The following TRPM2 variants were observed in gnomAD, a reference collection of about 807,000 sequenced individuals.
The protein encoded by TRPM2 is transient receptor potential cation channel subfamily M member 2.
A neutral mutation model predicts 174.0 loss-of-function variants in TRPM2; 161 were observed. The observed-to-expected ratio is 0.93, with a 90% CI of 0.81 to 1.05. TRPM2 has a LOEUF of 1.05. Among genes scored for constraint, TRPM2 ranks in the 50% least tolerant of loss-of-function variants. The pLI, the probability that TRPM2 is intolerant of heterozygous loss-of-function variation, is 0.00. For synonymous variants in TRPM2, 954 were observed against 861.3 expected (o/e 1.11, Z -1.88); for missense variants, 2,057 against 2,038.0 (o/e 1.01, Z -0.18).
chr21:44,393,247 A>G (rs923834551), intron 11 of TRPM2, among the ~76,000 whole-genome samples: 1 of 151,846 alleles, frequency 6.6e-6, no homozygotes, highest in Non-Finnish European at 1.5e-5. Flanking sequence ...TCTTGGGAGT[A>G]TTTATCTCTG....
chr21:44,382,047 A>G (rs186113998), intron 8 of TRPM2, among the ~76,000 whole-genome samples: 101 of 152,136 alleles, frequency 6.6e-4, no homozygotes, highest in Non-Finnish European at 1.2e-3. Context: ...AAGTGGATGG[A>G]TGAATGGTTG....
intron 24 of TRPM2, 39 bp from the exon 25 acceptor site, chr21:44,425,631 G>C: frequency 6.9e-7 from 1 of 1,448,366 alleles, no homozygotes. Flanking sequence ...ACCTGAGCCC[G>C]GGCTCCGCCT....
chr21:44,433,241 C>T (rs1457015071), intron 27 of TRPM2, among the ~76,000 whole-genome samples: 1 of 152,260 alleles, frequency 6.6e-6, no homozygotes, highest in Admixed American at 6.5e-5. Flanking sequence ...AGTGAGATGA[C>T]AGCAGGGCCC....
At chr21:44,424,099 C>G (rs2050657664) in intron 23 of TRPM2, among the ~76,000 whole-genome samples, 1 of 152,136 alleles carries the variant, frequency 6.6e-6, no homozygotes, top group African/African-American at 2.4e-5. Flanking sequence ...GAGACGGCCT[C>G]TCAGGGTCTG....
chr21:44,388,674 A>T (rs1287333490), intron 9 of TRPM2, among the ~76,000 whole-genome samples: 1 of 143,466 alleles, frequency 7.0e-6, no homozygotes, highest in Non-Finnish European at 1.5e-5. Context: ...AAAAAAAACT[A>T]GTCAGGCATG....
At position 44,437,075 on chromosome 21, in the gene TRPM2, G is replaced by C; in HGVS notation, c.4075G>C (p.Glu1359Gln). The C allele has an allele frequency of 1.3e-6, 2 of 1,550,768 alleles. No individual in the cohort carries two copies. Among genetic ancestry groups the C allele is most frequent in the Non-Finnish European group, 1.7e-6 (2 of 1,146,830 alleles). The change falls in exon 29 of 32, where the codon GAG becomes CAG. Residue 1359 changes from glutamate to glutamine, a missense_variant. Physicochemically the swap from Glu to Gln is conservative, Grantham distance 29 (BLOSUM62 2). Coordinates refer to ENST00000397928, the MANE Select transcript of TRPM2 (RefSeq NM_003307.4). ...YPMVTRWRRNEDGAICRKSIK... is the reference protein window; with the variant it reads ...YPMVTRWRRNQDGAICRKSIK... ...CTCTCTCCGCAGGTGGAGGCGGAAC[G>C]AGGATGGAGCCATCTGCAGGAAGAG... is the stretch of plus-strand genomic sequence containing the variant.
intron 5 of TRPM2, among the ~76,000 whole-genome samples, chr21:44,372,392 G>T (rs1825507883): frequency 6.6e-6 from 1 of 151,410 alleles, no homozygotes; most frequent in East Asian, 2.0e-4. Flanking sequence ...GCTACTGGGA[G>T]GCCAAGGCAG....
intron 2 of TRPM2, among the ~76,000 whole-genome samples, chr21:44,359,468 T>G (rs1237690534): frequency 6.6e-6 from 1 of 151,784 alleles, no homozygotes; most frequent in Non-Finnish European, 1.5e-5. Flanking sequence ...ATTGAGAAAC[T>G]GAGTGTAGAA....
rs1198081957 is a variant in TRPM2 at position 44,432,164 on chromosome 21, C to A, written c.3975-2967C>A. Among the ~76,000 whole-genome samples the A allele has an allele frequency of 6.6e-6, 1 of 152,208 alleles. No individual in the cohort carries two copies. Among genetic ancestry groups the A allele is most frequent in the African/African-American group, 2.4e-5 (1 of 41,452 alleles). On this transcript the variant is annotated intron_variant, in intron 27 of 31. Coordinates refer to ENST00000397928, the MANE Select transcript of TRPM2 (RefSeq NM_003307.4). This position sits in a 1 kb window ranked among gnomAD's most constrained non-coding sequence, Gnocchi z 4.9. ...GGCTGTTGTAACTAAGTACCACAAA[C>A]TGGGGGGCTTAACAGAAATGGATTA...
chr21:44,357,921 G>GGT (rs1428744573), intron 2 of TRPM2, among the ~76,000 whole-genome samples: 1 of 152,212 alleles, frequency 6.6e-6, no homozygotes, highest in Non-Finnish European at 1.5e-5. Flanking sequence ...AGAGGGACCA[G>GGT]GTGTGTTCCT....
intron 6 of TRPM2, among the ~76,000 whole-genome samples, chr21:44,377,445 C>T (rs1384201144): frequency 6.6e-6 from 1 of 152,136 alleles, no homozygotes; most frequent in Non-Finnish European, 1.5e-5. Context: ...TGAGTCTGCT[C>T]ATTGATGTGG....
intron 27 of TRPM2, among the ~76,000 whole-genome samples, chr21:44,428,064 G>A (rs866783694): frequency 2.0e-5 from 3 of 152,184 alleles, no homozygotes; most frequent in Admixed American, 6.5e-5. Context: ...TTGGCAGGAC[G>A]TGGTGTCCAT....
In TRPM2 at chr21:44,426,692, C is replaced by G; in HGVS notation, c.3828C>G (p.Tyr1276Ter). ...TEFLIYDPPF[Y>*]TAERKDAAAM... ...TCCTGATCTATGACCCACCCTTTTA[C>G]ACGGCAGAGAGGAAGGACGCGGCCG... The change falls in exon 26 of 32, where the codon TAC becomes TAG. Residue 1276 changes from tyrosine (Y) to a stop codon, truncating the protein, a stop_gained. Coordinates refer to ENST00000397928, the MANE Select transcript of TRPM2 (RefSeq NM_003307.4). LOFTEE classifies it high-confidence loss of function. 6 of 1,614,180 alleles carry G rather than the reference C, an allele frequency of 3.7e-6. No homozygotes were observed. Among genetic ancestry groups the G allele is most frequent in the Non-Finnish European group, 5.1e-6 (6 of 1,180,028 alleles).
rs1569004209 is a variant in TRPM2 at position 44,353,737 on chromosome 21, CAGG to C, written c.44_46del (p.Glu15del). 6.3e-7 allele frequency: 1 copy of C among 1,579,984 alleles called. No individual in the cohort carries two copies. The highest frequency in any genetic ancestry group is 8.6e-7 in the Non-Finnish European group (1 of 1,166,370). Reference sequence around the variant, plus strand: ...AGCCCTGAGGAAAGCTGGCTCGGAGCAGGAGGAGGGCTTTGAGGGGCTGCCCAG... The same window carrying C: ...AGCCCTGAGGAAAGCTGGCTCGGAGCAGGAGGGCTTTGAGGGGCTGCCCAG... On this transcript the variant is annotated inframe_deletion, in exon 1 of 32. Transcript: ENST00000397928.
chr21:44,418,219 GTCACTCA>G, intron 21 of TRPM2, 111 bp downstream of exon 21: 1 of 1,440,132 alleles, frequency 6.9e-7, no homozygotes, highest in Non-Finnish European at 9.3e-7. Context: ...AGGCGTGCAG[GTCACTCA>G]GGCTGCTGGC....
At chr21:44,379,829 C>T (rs1204021230) in intron 8 of TRPM2, among the ~76,000 whole-genome samples, 1 of 152,242 alleles carries the variant, frequency 6.6e-6, no homozygotes, top group African/African-American at 2.4e-5. Flanking sequence ...TGACCTGACT[C>T]AATTCCTGGC....
chr21:44,378,956 G>A (rs2048790141), intron 7 of TRPM2, 41 bp from the exon 8 acceptor site: 5 of 1,587,528 alleles, frequency 3.1e-6, no homozygotes, highest in South Asian at 1.1e-5. Context: ...TCGGAGCGGT[G>A]AGGACCCAGT....
upstream of TRPM2, among the ~76,000 whole-genome samples, chr21:44,350,629 G>A (rs1266925628): frequency 7.4e-6 from 1 of 135,092 alleles, no homozygotes; most frequent in African/African-American, 2.9e-5. Flanking sequence ...GCGGTGGGGT[G>A]CAGGGGCGCG....
chr21:44,423,652 G>A lies in TRPM2; in HGVS notation c.3469G>A (p.Ala1157Thr), dbSNP rs982432965. 8.1e-6 allele frequency: 13 copies of A among 1,612,424 alleles called. No individual in the cohort carries two copies. In the African/African-American group the frequency reaches 9.3e-5, roughly 12 times the overall value. The change falls in exon 23 of 32, where the codon GCC (alanine) becomes ACC (threonine). Residue 1157 changes from alanine to threonine, a missense_variant. By Grantham distance (58) the Ala-to-Thr change is moderately conservative. Coordinates refer to ENST00000397928, the MANE Select transcript of TRPM2 (RefSeq NM_003307.4). ...AGCTGCTTCCTCTTTCAGGGTTGACGCCATGGTGGACCTGCTGGACCTGGA... is the reference window on the plus strand; with the variant it reads ...AGCTGCTTCCTCTTTCAGGGTTGACACCATGGTGGACCTGCTGGACCTGGA... ...KIEDISNKVD[A>T]MVDLLDLDPL...
Sources: allele counts gnomAD v4.1 joint callset (sites outside exome capture counted in the v4.1 genomes callset), GRCh38; gene constraint gnomAD v4.1.1; non-coding constraint Gnocchi (gnomAD v3.1); transcripts MANE v1.5; gene names NCBI Gene and HGNC (gene_info 2026-07-23, HGNC 2026-07-21).